Variants in TOX3 observed in about 807,000 individuals in gnomAD.
TOX3 encodes CAG trinucleotide repeat-containing gene F9 protein.
TOX3 carries 22 observed loss-of-function variants against 64.3 expected under a neutral mutation model. That is an observed-to-expected ratio of 0.34 (90% confidence interval 0.24 to 0.49). The LOEUF (loss-of-function observed/expected upper bound fraction) is 0.49, where lower values mean the gene tolerates loss of function less well. TOX3 is among the 20% of genes least tolerant of loss of function. The pLI is 0.99. For missense variants in TOX3, 661 were observed against 714.4 expected, an observed-to-expected ratio of 0.93 and a Z score of 0.85; for synonymous variants, 291 against 273.6, an observed-to-expected ratio of 1.06 and a Z score of -0.63.
chr16:52,450,031 G>C (rs1960286081), intron 4 of TOX3, among the ~76,000 whole-genome samples: 1 of 152,148 alleles, frequency 6.6e-6, no homozygotes, highest in Admixed American at 6.5e-5. Context: ...GGGCCTACAA[G>C]AATTAAATAA....
intron 1 of TOX3, among the ~76,000 whole-genome samples, chr16:52,492,564 A>AATATATAAATATATATATATAT (rs1555484964): frequency 1.1e-5 from 1 of 90,694 alleles, no homozygotes; most frequent in Admixed American, 1.4e-4. Flanking sequence ...GTTGTATATA[A>AATATATAAATATATATATATAT]ATATATATAT....
intron 1 of TOX3, among the ~76,000 whole-genome samples, chr16:52,476,822 G>A (rs1031444027): frequency 2.6e-5 from 4 of 152,222 alleles, no homozygotes; most frequent in African/African-American, 9.6e-5. Context: ...AGATATGACT[G>A]TTGATTTTAA....
At position 52,468,338 on chromosome 16, in the gene TOX3, G is replaced by T. The variant is rs1035790713; in HGVS notation, c.153+171C>A. Among the ~76,000 whole-genome samples, 6 of 152,176 alleles carry T rather than the reference G, an allele frequency of 3.9e-5. No individual in the cohort carries two copies. In the East Asian group the frequency reaches 9.6e-4, roughly 24 times the overall value. Reference sequence around the variant, plus strand: ...AACAGTCTACAGACAAGTGATAAAAGACTTATCAGGTTTTCTTTTCCAATA... The same window carrying T: ...AACAGTCTACAGACAAGTGATAAAATACTTATCAGGTTTTCTTTTCCAATA... On this transcript the variant is annotated intron_variant, in intron 2 of 6. Transcript: ENST00000219746.
At chr16:52,446,309 A>G in intron 4 of TOX3, 88 bp from the exon 5 acceptor site, 2 of 1,347,722 alleles carry the variant, frequency 1.5e-6, no homozygotes, top group Non-Finnish European at 2.0e-6. Context: ...TGTTCTTTGA[A>G]GGTTTTGTTA....
At chr16:52,529,008 C>T (rs893722171) in intron 1 of TOX3, among the ~76,000 whole-genome samples, 41 of 152,296 alleles carry the variant, frequency 2.7e-4, no homozygotes, top group African/African-American at 9.9e-4. Context: ...GTGGACCAGA[C>T]AACAACTTGG....
intron 1 of TOX3, among the ~76,000 whole-genome samples, chr16:52,486,051 T>C (rs1316391303): frequency 1.3e-5 from 2 of 152,186 alleles, no homozygotes; most frequent in African/African-American, 4.8e-5. Context: ...GAGATGTCTG[T>C]CATTTACCAG....
chr16:52,497,018 G>C (rs1415285653), intron 1 of TOX3, among the ~76,000 whole-genome samples: 1 of 151,972 alleles, frequency 6.6e-6, no homozygotes, highest in Non-Finnish European at 1.5e-5. Flanking sequence ...AAGGAAATTA[G>C]GTTCCCCAAT....
At chr16:52,532,249 A>G (rs1314824018) in intron 1 of TOX3, among the ~76,000 whole-genome samples, 2 of 152,314 alleles carry the variant, frequency 1.3e-5, no homozygotes, top group African/African-American at 4.8e-5. Flanking sequence ...TCCCATCAAG[A>G]AATGGATTCT....
At chr16:52,488,290 G>T (rs1473270497) in intron 1 of TOX3, among the ~76,000 whole-genome samples, 1 of 152,036 alleles carries the variant, frequency 6.6e-6, no homozygotes, top group Non-Finnish European at 1.5e-5. Context: ...CCTACTGCAG[G>T]AACTTTGCTC....
intron 1 of TOX3, among the ~76,000 whole-genome samples, chr16:52,504,093 T>C (rs1228446356): frequency 6.6e-6 from 1 of 152,190 alleles, no homozygotes; most frequent in Admixed American, 6.5e-5. Flanking sequence ...GAGGGTAGCA[T>C]ATGCCAGCCG....
chr16:52,448,150 T>A (rs1055505626), intron 4 of TOX3, among the ~76,000 whole-genome samples: 1 of 152,216 alleles, frequency 6.6e-6, no homozygotes, highest in South Asian at 2.1e-4. Context: ...AATTTTTGTG[T>A]CATTGACTTA....
chr16:52,532,032 C>T (rs1375902462), intron 1 of TOX3, among the ~76,000 whole-genome samples: 2 of 152,240 alleles, frequency 1.3e-5, no homozygotes, highest in East Asian at 1.9e-4. Context: ...AGTGGGGATA[C>T]AGGTTGCCCT....
Position 52,450,316 on chromosome 16 carries a change from G to A in TOX3, c.639C>T (p.Ser213=), listed in dbSNP as rs377276253. ...CAGCATCCTCTTCATTGATGGAGCTGGAAGGGGAGGGAGTGGCTGATTTGC... is the reference window on the plus strand; with the variant it reads ...CAGCATCCTCTTCATTGATGGAGCTAGAAGGGGAGGGAGTGGCTGATTTGC... ...PASKSATPSP[S]SSINEEDADE... is the part of the protein sequence containing the mutation. Residue 213 remains serine, a synonymous_variant, in exon 4 of 7, where the codon TCC becomes TCT. Coordinates refer to ENST00000219746, the MANE Select transcript of TOX3 (RefSeq NM_001080430.4). 8.1e-6 allele frequency: 13 copies of A among 1,613,898 alleles called. No homozygotes were observed. The highest frequency in any genetic ancestry group is 4.0e-5 in the African/African-American group (3 of 74,930).
At chr16:52,470,680 A>G (rs1054191424) in intron 1 of TOX3, among the ~76,000 whole-genome samples, 2 of 152,194 alleles carry the variant, frequency 1.3e-5, no homozygotes, top group East Asian at 3.9e-4. Context: ...GAGAAATGAG[A>G]AAAATCAGTA....
At chr16:52,538,415 A>G (rs903299217) in intron 1 of TOX3, among the ~76,000 whole-genome samples, 4 of 152,186 alleles carry the variant, frequency 2.6e-5, no homozygotes, top group Non-Finnish European at 5.9e-5. Context: ...AGCTGTAGAA[A>G]TTGCTGGAAA....
chr16:52,442,234 A>G (rs1317241192), intron 6 of TOX3, among the ~76,000 whole-genome samples: 3 of 152,196 alleles, frequency 2.0e-5, no homozygotes, highest in Non-Finnish European at 4.4e-5. Flanking sequence ...TAAAAGTGAT[A>G]GCAGAGTCGT....
At chr16:52,545,246 A>C (rs1963149975) in intron 1 of TOX3, among the ~76,000 whole-genome samples, 1 of 152,210 alleles carries the variant, frequency 6.6e-6, no homozygotes, top group Admixed American at 6.5e-5. Context: ...TTCGGAGAGC[A>C]GGAACGCTCC....
At chr16:52,541,366 A>C (rs1351162067) in intron 1 of TOX3, among the ~76,000 whole-genome samples, 1 of 152,108 alleles carries the variant, frequency 6.6e-6, no homozygotes, top group Admixed American at 6.5e-5. Context: ...CAAAATCTTC[A>C]AACTTGAAGC....
At chr16:52,462,711 A>G (rs969874330) in intron 3 of TOX3, among the ~76,000 whole-genome samples, 2 of 151,858 alleles carry the variant, frequency 1.3e-5, no homozygotes, top group Non-Finnish European at 2.9e-5. Flanking sequence ...AGAGAATAGA[A>G]CCCTCCATTC....
Sources: allele counts gnomAD v4.1 joint callset (sites outside exome capture counted in the v4.1 genomes callset), GRCh38; gene constraint gnomAD v4.1.1; transcripts MANE v1.5; gene names NCBI Gene and HGNC (gene_info 2026-07-23, HGNC 2026-07-21).